Variants in PLCG2 observed in about 807,000 individuals in gnomAD.
The protein encoded by PLCG2 is 1-phosphatidylinositol 4,5-bisphosphate phosphodiesterase gamma-2.
PLCG2 carries 69 observed loss-of-function variants against 175.6 expected under a neutral mutation model. That is an observed-to-expected ratio of 0.39 (90% confidence interval 0.32 to 0.48). PLCG2 has a LOEUF of 0.48. Among genes scored for constraint, PLCG2 ranks in the 20% least tolerant of loss-of-function variants. PLCG2 has a pLI of 0.91. For missense variants in PLCG2, 1,798 were observed against 1,650.9 expected (o/e 1.09, Z -1.54); for synonymous variants, 827 against 624.0 (o/e 1.33, Z -4.85).
Position 81,870,859 on chromosome 16 carries a change from G to T in PLCG2, c.572G>T (p.Gly191Val). Residue 191 changes from glycine to valine, a missense_variant, in exon 7 of 33, where the codon GGA becomes GTA. Coordinates refer to ENST00000564138, the MANE Select transcript of PLCG2 (RefSeq NM_002661.5). ...CTTTTTTCATATTTACAGGAAATAG[G>T]AGCACACAAAGATGAGCTCAGCTTT... ...KFLKDKFVEIGAHKDELSFEQ... is the reference protein window; with the variant it reads ...KFLKDKFVEIVAHKDELSFEQ... 2.5e-6 allele frequency: 4 copies of T among 1,587,556 alleles called. No individual in the cohort carries two copies. Among genetic ancestry groups the T allele is most frequent in the Non-Finnish European group, 3.4e-6 (4 of 1,163,056 alleles).
At chr16:81,934,397 G>A (rs1910624878) in intron 25 of PLCG2, 32 bp from the exon 26 acceptor site, 2 of 1,347,296 alleles carry the variant, frequency 1.5e-6, no homozygotes, top group Non-Finnish European at 2.1e-6. Context: ...ATTTCTCGGG[G>A]GCGGGCACTA....
At chr16:81,780,251 G>T (rs778203809) in intron 1 of PLCG2, among the ~76,000 whole-genome samples, 16 of 152,200 alleles carry the variant, frequency 1.1e-4, no homozygotes, top group Non-Finnish European at 1.9e-4. Flanking sequence ...CCCTGGGCAA[G>T]TTGAAGAACC....
At chr16:81,888,019 T>A (rs562048933) in intron 9 of PLCG2, among the ~76,000 whole-genome samples, 1 of 130,016 alleles carries the variant, frequency 7.7e-6, no homozygotes, top group Non-Finnish European at 1.7e-5. Flanking sequence ...CATATCAGTT[T>A]CGTTATTTGG....
At chr16:81,791,099 T>C (rs1597320565) in intron 2 of PLCG2, among the ~76,000 whole-genome samples, 1 of 152,212 alleles carries the variant, frequency 6.6e-6, no homozygotes. Flanking sequence ...TATTGAGTGC[T>C]AAACTCTGCA....
At chr16:81,836,433 G>C (rs1387438480) in intron 2 of PLCG2, among the ~76,000 whole-genome samples, 1 of 152,106 alleles carries the variant, frequency 6.6e-6, no homozygotes, top group Non-Finnish European at 1.5e-5. Flanking sequence ...TCCTTCCCTT[G>C]GTAGTGGTTA....
At chr16:81,863,253 C>T (rs916841255) in intron 5 of PLCG2, among the ~76,000 whole-genome samples, 1 of 152,252 alleles carries the variant, frequency 6.6e-6, no homozygotes, top group Non-Finnish European at 1.5e-5. Flanking sequence ...GTCTGTCTCT[C>T]TGGATTGGAT....
intron 31 of PLCG2, among the ~76,000 whole-genome samples, chr16:81,949,357 G>C (rs1011559468): frequency 6.6e-6 from 1 of 152,108 alleles, no homozygotes; most frequent in Non-Finnish European, 1.5e-5. Flanking sequence ...AAGTTCCAAG[G>C]ATAAATTTAA....
intron 7 of PLCG2, among the ~76,000 whole-genome samples, chr16:81,876,480 G>C (rs1015392255): frequency 6.6e-6 from 1 of 152,050 alleles, no homozygotes; most frequent in Non-Finnish European, 1.5e-5. Flanking sequence ...CCCTTTCTTA[G>C]TGCCCTGGCC....
intron 2 of PLCG2, among the ~76,000 whole-genome samples, chr16:81,836,016 C>T (rs780124617): frequency 6.6e-6 from 1 of 152,208 alleles, no homozygotes; most frequent in African/African-American, 2.4e-5. Context: ...AAGAAGGCCA[C>T]ATTCACACAT....
chr16:81,949,813 A>C (rs911446148), intron 31 of PLCG2, among the ~76,000 whole-genome samples: 1 of 152,230 alleles, frequency 6.6e-6, no homozygotes, highest in Non-Finnish European at 1.5e-5. Context: ...AAAAATAATC[A>C]AGTATCAACA....
chr16:81,787,365 GAA>G (rs1466805082), intron 2 of PLCG2, among the ~76,000 whole-genome samples: 1 of 148,704 alleles, frequency 6.7e-6, no homozygotes, highest in Non-Finnish European at 1.5e-5. Flanking sequence ...GGGACCATGG[GAA>G]TGCACCGCCA....
At chr16:81,813,661 A>C (rs1372983264) in intron 2 of PLCG2, among the ~76,000 whole-genome samples, 3 of 152,198 alleles carry the variant, frequency 2.0e-5, no homozygotes, top group East Asian at 1.9e-4. Context: ...GTTCTGTCTC[A>C]CTTGGTGTTG....
chr16:81,867,086 G>A (rs1035982830), intron 5 of PLCG2, among the ~76,000 whole-genome samples: 1 of 152,202 alleles, frequency 6.6e-6, no homozygotes, highest in Non-Finnish European at 1.5e-5. Flanking sequence ...TGAAGTCTGT[G>A]CTGTTACAGA....
intron 15 of PLCG2, among the ~76,000 whole-genome samples, chr16:81,906,625 TG>T (rs1485543905): frequency 1.3e-5 from 2 of 152,214 alleles, no homozygotes; most frequent in African/African-American, 4.8e-5. Flanking sequence ...TGTTTCGCCA[TG>T]TTGGCCAGGC....
chr16:81,867,186 G>A (rs375115365), intron 5 of PLCG2, among the ~76,000 whole-genome samples: 153 of 152,358 alleles, frequency 1.0e-3, no homozygotes, highest in African/African-American at 3.6e-3. Flanking sequence ...GCTGGGCAGT[G>A]ACGCGCTACT....
intron 23 of PLCG2, among the ~76,000 whole-genome samples, chr16:81,927,796 A>T (rs934146479): frequency 6.6e-6 from 1 of 152,222 alleles, no homozygotes; most frequent in African/African-American, 2.4e-5. Flanking sequence ...AAGTCAAGTT[A>T]GAGTTCAACA....
At chr16:81,939,065 G>A in intron 29 of PLCG2, 150 bp downstream of exon 29, 2 of 619,106 alleles carry the variant, frequency 3.2e-6, no homozygotes, top group South Asian at 3.9e-5. Context: ...GCTTGAGGAG[G>A]GGATACATAC....
chr16:81,774,177 CAAAAAAAAAAAAAAA>C (rs57503150), intron 2 of PLCG2, among the ~76,000 whole-genome samples: 2 of 40,532 alleles, frequency 4.9e-5, no homozygotes, highest in Non-Finnish European at 8.0e-5. Flanking sequence ...ACTAAAAATA[CAAAAAAAAAAAAAAA>C]AAAAAAAAAA....
At chr16:81,769,514 G>A (rs1014018196) in intron 2 of PLCG2, among the ~76,000 whole-genome samples, 2 of 151,998 alleles carry the variant, frequency 1.3e-5, no homozygotes, top group African/African-American at 4.8e-5. Flanking sequence ...AATAATTCTA[G>A]GTCTTGAAAA....
Sources: gnomAD v4.1 joint callset for allele counts (sites outside exome capture counted in the v4.1 genomes callset) on GRCh38, gnomAD v4.1.1 for gene constraint, MANE v1.5 for transcripts, NCBI Gene and HGNC (gene_info 2026-07-23, HGNC 2026-07-21) for gene names.